KMT2B: variants seen among roughly 807,000 people sequenced by gnomAD.
KMT2B encodes the protein histone-lysine N-methyltransferase 2B.
A neutral mutation model predicts 255.3 loss-of-function variants in KMT2B; 22 were observed. The observed-to-expected ratio is 0.09, with a 90% CI of 0.06 to 0.12. KMT2B has a LOEUF of 0.12. KMT2B is among the 10% of genes least tolerant of loss of function. The pLI is 1.00. For missense variants in KMT2B, 3,149 were observed against 3,737.0 expected (o/e 0.84, Z 4.10); for synonymous variants, 1,730 against 1,498.1 (o/e 1.15, Z -3.57).
chr19:35,737,462 G>T lies in KMT2B; in HGVS notation c.7551-174G>T. 5.3e-6 allele frequency: 4 copies of T among 760,488 alleles called. No homozygotes were observed. Among genetic ancestry groups the T allele is most frequent in the Non-Finnish European group, 8.2e-6 (4 of 486,360 alleles). 47.1% of individuals were successfully genotyped at this position (760,488 alleles called of 1,614,324 possible). A position where few individuals can be genotyped will look rare whatever the true frequency, so the allele number is the denominator to read the frequency against. On this transcript the variant is annotated intron_variant, in intron 33 of 36. Transcript: ENST00000420124. The surrounding 1 kb of genome is among the most constrained non-coding windows in gnomAD (Gnocchi z 5.3). ...TTTGGGAGGCCGAGGCAGGAGGATCGCATGAGCCCAGGAGTTGGAGACCAG... is the reference window on the plus strand; with the variant it reads ...TTTGGGAGGCCGAGGCAGGAGGATCTCATGAGCCCAGGAGTTGGAGACCAG...
At chr19:35,730,510 C>T in intron 24 of KMT2B, 28 bp from the exon 25 acceptor site, 1 of 1,614,000 alleles carries the variant, frequency 6.2e-7, no homozygotes, top group Non-Finnish European at 8.5e-7. Context: ...TCCTGCCTGC[C>T]TCTCCTGACC....
rs192577025 is a variant in KMT2B at position 35,725,107 on chromosome 19, G to T, written c.3528+20G>T. On this transcript the variant is annotated intron_variant, in intron 10 of 36. Coordinates refer to ENST00000420124, the MANE Select transcript of KMT2B (RefSeq NM_014727.3). The surrounding 1 kb of genome is among the most constrained non-coding windows in gnomAD (Gnocchi z 4.1). ...TTTAAGGTATGGCATTGAGTGGGGC[G>T]AGTCACAGAGCCTCTGGTTGGAAGA... 2 of 1,595,344 alleles carry T rather than the reference G, an allele frequency of 1.3e-6. No individual in the cohort carries two copies. The highest frequency in any genetic ancestry group is 3.3e-5 in the Admixed American group (2 of 59,976).
chr19:35,731,408 C>G (rs546893894), intron 26 of KMT2B, among the ~76,000 whole-genome samples: 2 of 152,152 alleles, frequency 1.3e-5, no homozygotes, highest in African/African-American at 4.8e-5. Flanking sequence ...GTAGGAAGGG[C>G]TTTATTCCAG....
chr19:35,720,629 C>A lies in KMT2B; in HGVS notation c.1282C>A (p.Leu428Ile). The A allele has an allele frequency of 6.8e-7, 1 of 1,476,886 alleles. No homozygotes were observed. Among genetic ancestry groups the A allele is most frequent in the Non-Finnish European group, 9.0e-7 (1 of 1,111,420 alleles). 91.5% of individuals were successfully genotyped at this position (1,476,886 alleles called of 1,614,324 possible). ...CCCTTCGACATCTCCTCCACCCCCA[C>A]TCTGCCCTCCACCACCACCCCCAGT... ...PPPSTSPPPP[L>I]CPPPPPPVSP... is the part of the protein sequence containing the mutation. Residue 428 changes from leucine to isoleucine, a missense_variant, in exon 3 of 37, where the codon CTC (leucine) becomes ATC (isoleucine). By Grantham distance (5) the Leu-to-Ile change is conservative. This residue lies in a region of KMT2B where 1,188 missense variants were observed against 1,106.4 expected (regional missense o/e 1.07). Coordinates refer to ENST00000420124, the MANE Select transcript of KMT2B (RefSeq NM_014727.3).
Position 35,730,845 on chromosome 19 carries a change from G to A in KMT2B, c.5415G>A (p.Val1805=), listed in dbSNP as rs762448098. The change falls in exon 26 of 37, where the codon GTG becomes GTA. Residue 1805 remains valine, a synonymous_variant. Coordinates refer to ENST00000420124, the MANE Select transcript of KMT2B (RefSeq NM_014727.3). ...LEAAEENQTI[V]HSPAPSSEPP... The stretch of plus-strand genomic sequence containing the variant: ...CTGCAGAGGAGAACCAGACCATTGT[G>A]CACAGCCCCGCCCCTTCCTCAGGTG... 17 of 1,609,684 alleles carry A rather than the reference G, an allele frequency of 1.1e-5. No homozygotes were observed. In the South Asian group the frequency reaches 1.4e-4, roughly 14 times the overall value.
In KMT2B at chr19:35,718,322, G is replaced by A; in HGVS notation, c.304G>A (p.Gly102Ser). 1 of 1,247,884 alleles carries A rather than the reference G, an allele frequency of 8.0e-7. No individual in the cohort carries two copies. 77.3% of individuals were successfully genotyped at this position (1,247,884 alleles called of 1,614,324 possible). A position where few individuals can be genotyped will look rare whatever the true frequency, so the allele number is the denominator to read the frequency against. The change falls in exon 1 of 37, where the codon GGC becomes AGC. Residue 102 changes from glycine to serine, a missense_variant. Gly to Ser is a moderately conservative substitution (Grantham distance 56). Around this residue, in one of 18 missense-constraint regions of KMT2B, gnomAD observed 1,188 missense variants for 1,106.4 expected, o/e 1.07. Transcript: ENST00000420124. This position sits in a 1 kb window ranked among gnomAD's most constrained non-coding sequence, Gnocchi z 5.0. ...GRGRGRGRGWGPSRGCVPEEE... is the reference protein window; with the variant it reads ...GRGRGRGRGWSPSRGCVPEEE... ...GGGACGGGGTCGGGGCCGGGGCTGG[G>A]GCCCGAGTCGAGGCTGCGTGCCGGA... is the stretch of plus-strand genomic sequence containing the variant.
At position 35,722,258 on chromosome 19, in the gene KMT2B, C is replaced by T; in HGVS notation, c.2458-101C>T. ...GACCTCGTGATCTGCCCGTCTCGGC[C>T]TCCCAAAGTGCTGGGATTACAGGCA... On this transcript the variant is annotated intron_variant, in intron 3 of 36. Transcript: ENST00000420124. The T allele has an allele frequency of 4.0e-6, 5 of 1,243,846 alleles. No individual in the cohort carries two copies. In the South Asian group the frequency reaches 6.0e-5, roughly 15 times the overall value. 77.1% of individuals were successfully genotyped at this position (1,243,846 alleles called of 1,614,324 possible). A position where few individuals can be genotyped will look rare whatever the true frequency, so the allele number is the denominator to read the frequency against.
At position 35,737,535 on chromosome 19, in the gene KMT2B, AGTT is replaced by A; in HGVS notation, c.7551-100_7551-98del. On this transcript the variant is annotated intron_variant, in intron 33 of 36. Coordinates refer to ENST00000420124, the MANE Select transcript of KMT2B (RefSeq NM_014727.3). This position sits in a 1 kb window ranked among gnomAD's most constrained non-coding sequence, Gnocchi z 5.3. The stretch of plus-strand genomic sequence containing the variant: ...CATCTCTAAAATAAAAATTTAAAAA[AGTT>A]ATTTCTAGAGCTGACATCAGAAAAA... 1.1e-6 allele frequency: 1 copy of A among 875,732 alleles called. No homozygotes were observed. The highest frequency in any genetic ancestry group is 1.7e-6 in the Non-Finnish European group (1 of 577,868). The allele number at this position is 875,732 out of a possible 1,614,324, so 54.2% of individuals were successfully genotyped here. A position where few individuals can be genotyped will look rare whatever the true frequency, so the allele number is the denominator to read the frequency against.
In KMT2B at chr19:35,720,457, A is replaced by G. The variant is rs76025946; in HGVS notation, c.1110A>G (p.Glu370=). 6.6e-3 allele frequency: 10,175 copies of G among 1,552,098 alleles called. 409 individuals are homozygous for G. In the African/African-American group the frequency reaches 0.093, roughly 14 times the overall value. ...KLDDEEEEKK[E]EEEKDKEGEE... ...ATGACGAGGAAGAAGAGAAGAAAGA[A>G]GAAGAAGAAAAAGACAAGGAGGGAG... Residue 370 remains glutamate, a synonymous_variant, in exon 3 of 37, where the codon GAA becomes GAG. Transcript: ENST00000420124.
Position 35,720,570 on chromosome 19 carries a change from C to T in KMT2B, c.1223C>T (p.Pro408Leu). 1 of 1,540,102 alleles carries T rather than the reference C, an allele frequency of 6.5e-7. No homozygotes were observed. ...AAGCTGCCACCACCGCCTCTGACTC[C>T]TCCAGCCCCTTCACCTCCTCCACCC... ...EAKLPPPPLT[P>L]PAPSPPPPLP... Residue 408 changes from proline (P) to leucine (L), a missense_variant, in exon 3 of 37, where the codon CCT becomes CTT. Physicochemically the swap from Pro to Leu is moderately conservative, Grantham distance 98. This residue lies in a region of KMT2B where 1,188 missense variants were observed against 1,106.4 expected (regional missense o/e 1.07). Transcript: ENST00000420124.
Position 35,725,667 on chromosome 19 carries a change from G to A in KMT2B, c.3789+42G>A. On this transcript the variant is annotated intron_variant, in intron 12 of 36. Coordinates refer to ENST00000420124, the MANE Select transcript of KMT2B (RefSeq NM_014727.3). The surrounding 1 kb of genome is among the most constrained non-coding windows in gnomAD (Gnocchi z 4.1). ...TGGCCAGGGTGGGTGGAGGCCTGAA[G>A]GTGAGGGCATCCCTGTGCCAGCAGG... The A allele has an allele frequency of 6.2e-7, 1 of 1,612,966 alleles. No homozygotes were observed. The highest frequency in any genetic ancestry group is 8.5e-7 in the Non-Finnish European group (1 of 1,179,570).
rs2146470588 is a variant in KMT2B, at chr19:35,733,266, C to T, written c.6717C>T (p.Leu2239=). 6.8e-7 allele frequency: 1 copy of T among 1,478,854 alleles called. No individual in the cohort carries two copies. Among genetic ancestry groups the T allele is most frequent in the Non-Finnish European group, 9.2e-7 (1 of 1,085,162 alleles). The allele number at this position is 1,478,854 out of a possible 1,614,324, so 91.6% of individuals were successfully genotyped here. ...PTSWTLPPGP[L]LGVLPVVGVV... ...CCTGGACTCTGCCCCCAGGCCCCCT[C>T]CTCGGCGTGCTGCCCGTGGTCGGAG... is the stretch of plus-strand genomic sequence containing the variant. Residue 2239 remains leucine, a synonymous_variant, in exon 28 of 37, where the codon CTC becomes CTT. Transcript: ENST00000420124. The surrounding 1 kb of genome is among the most constrained non-coding windows in gnomAD (Gnocchi z 4.3).
rs1568366838 is a variant in KMT2B at position 35,719,550 on chromosome 19, C to CG, written c.436+14dup. On this transcript the variant is annotated intron_variant, in intron 2 of 36. Coordinates refer to ENST00000420124, the MANE Select transcript of KMT2B (RefSeq NM_014727.3). ...GCTCCGATCCCAGCGAGGTGAGTGACGGGGGAACTCCACCTCTTTAGCGTC... is the reference window on the plus strand; with the variant it reads ...GCTCCGATCCCAGCGAGGTGAGTGACGGGGGGAACTCCACCTCTTTAGCGTC... The CG allele has an allele frequency of 6.3e-7, 1 of 1,582,506 alleles. No individual in the cohort carries two copies. Among genetic ancestry groups the CG allele is most frequent in the African/African-American group, 1.4e-5 (1 of 74,022 alleles).
Position 35,722,427 on chromosome 19 carries a change from C to A in KMT2B, c.2526C>A (p.Val842=), listed in dbSNP as rs201555642. The change falls in exon 4 of 37, where the codon GTC becomes GTA. Residue 842 remains valine (V), a synonymous_variant. Transcript: ENST00000420124. ...AVKQISDRGP[V]RSEDESVEAK... ...AGCAGATCTCCGACAGAGGCCCTGT[C>A]CGGTCTGAAGATGAGTCGGTGGAAG... The A allele has an allele frequency of 1.2e-5, 19 of 1,610,612 alleles. No homozygotes were observed. In the East Asian group the frequency reaches 3.3e-4, roughly 28 times the overall value.
Position 35,732,617 on chromosome 19 carries a change from GCTC to G in KMT2B, c.6070_6072del (p.Ser2024del), listed in dbSNP as rs1354372733. ...AGCAGCCACGGGGGCCCGGGGGACA[GCTC>G]CGAGGAGGAGTCCAGCCCCACCTCC... On this transcript the variant is annotated inframe_deletion, in exon 28 of 37. Coordinates refer to ENST00000420124, the MANE Select transcript of KMT2B (RefSeq NM_014727.3). 6.2e-7 allele frequency: 1 copy of G among 1,612,212 alleles called. No individual in the cohort carries two copies. The highest frequency in any genetic ancestry group is 1.1e-5 in the South Asian group (1 of 90,894).
intron 22 of KMT2B, 91 bp from the exon 23 acceptor site, chr19:35,729,876 T>C: frequency 7.5e-7 from 1 of 1,332,002 alleles, no homozygotes; most frequent in Admixed American, 2.1e-5. Flanking sequence ...CGTGCCAGGC[T>C]AGACAGGGAC....
chr19:35,727,953 G>T lies in KMT2B; in HGVS notation c.4465G>T (p.Ala1489Ser). The change falls in exon 18 of 37, where the codon GCT becomes TCT. Residue 1489 changes from alanine to serine, a missense_variant. Ala to Ser is a moderately conservative substitution (Grantham distance 99, BLOSUM62 1). This residue lies in a region of KMT2B where 377 missense variants were observed against 471.0 expected (regional missense o/e 0.80). Coordinates refer to ENST00000420124, the MANE Select transcript of KMT2B (RefSeq NM_014727.3). This position sits in a 1 kb window ranked among gnomAD's most constrained non-coding sequence, Gnocchi z 4.2. The stretch of plus-strand genomic sequence containing the variant: ...GGAGGGAGAGACCCCGGACCGCCGG[G>T]CTGGAGGCCAGATGAAGGGGCTCCT... ...SEEGETPDRRAGGQMKGLLLK... is the reference protein window; with the variant it reads ...SEEGETPDRRSGGQMKGLLLK... 6.3e-7 allele frequency: 1 copy of T among 1,584,294 alleles called. No homozygotes were observed. The highest frequency in any genetic ancestry group is 8.6e-7 in the Non-Finnish European group (1 of 1,163,370).
chr19:35,718,493 G>A lies in KMT2B; in HGVS notation c.363+112G>A, dbSNP rs1969047784. On this transcript the variant is annotated intron_variant, in intron 1 of 36. Coordinates refer to ENST00000420124, the MANE Select transcript of KMT2B (RefSeq NM_014727.3). The surrounding 1 kb of genome is among the most constrained non-coding windows in gnomAD (Gnocchi z 5.0). Reference sequence around the variant, plus strand: ...CAGGCCGGGTCCTCAGGGTTCCTTCGGAGAGACGGGGCACGGAGGGAGGGC... The same window carrying A: ...CAGGCCGGGTCCTCAGGGTTCCTTCAGAGAGACGGGGCACGGAGGGAGGGC... 8.8e-7 allele frequency: 1 copy of A among 1,140,854 alleles called. No homozygotes were observed. 70.7% of individuals were successfully genotyped at this position (1,140,854 alleles called of 1,614,324 possible).
At position 35,726,322 on chromosome 19, in the gene KMT2B, C is replaced by T. The variant is rs762357556; in HGVS notation, c.3972C>T (p.Leu1324=). 8.1e-6 allele frequency: 13 copies of T among 1,613,698 alleles called. No homozygotes were observed. Among genetic ancestry groups the T allele is most frequent in the Non-Finnish European group, 1.1e-5 (13 of 1,179,732 alleles). Residue 1324 remains leucine, a synonymous_variant, in exon 14 of 37, where the codon CTC becomes CTT. Coordinates refer to ENST00000420124, the MANE Select transcript of KMT2B (RefSeq NM_014727.3). ...WDVEWSGDYS[L]CPRCTQLYEK... ...TCGAGTGGTCTGGAGATTACAGCCT[C>T]TGCCCCAGGTGCACCCAGCTATATG...
Sources: allele counts gnomAD v4.1 joint callset (sites outside exome capture counted in the v4.1 genomes callset), GRCh38; gene constraint gnomAD v4.1.1; regional missense constraint gnomAD v4.1.1; non-coding constraint Gnocchi (gnomAD v3.1); transcripts MANE v1.5; gene names NCBI Gene and HGNC (gene_info 2026-07-23, HGNC 2026-07-21).